GABRP: variants seen among roughly 807,000 people sequenced by gnomAD.
The protein encoded by GABRP is gamma-aminobutyric acid type A receptor subunit pi.
Under a neutral mutation model 47.8 loss-of-function variants are expected in GABRP, and 52 were observed. The observed-to-expected ratio is 1.09, with a 90% CI of 0.87 to 1.37. The LOEUF (loss-of-function observed/expected upper bound fraction) is 1.37. Among genes scored for constraint, GABRP ranks in the 40% most tolerant of loss-of-function variants. The probability of loss-of-function intolerance (pLI) is 0.00; values close to 1 mark genes in which losing one functional copy is unlikely to be tolerated. For missense variants in GABRP, 525 were observed against 542.8 expected, an observed-to-expected ratio of 0.97 and a Z score of 0.33; for synonymous variants, 221 against 205.8, an observed-to-expected ratio of 1.07 and a Z score of -0.63.
intron 1 of GABRP, among the ~76,000 whole-genome samples, chr5:170,784,216 C>T (rs1561804438): frequency 1.3e-5 from 2 of 152,180 alleles, no homozygotes; most frequent in African/African-American, 4.8e-5. Context: ...CTCCTGCTTT[C>T]CAACAAATGA....
At chr5:170,789,061 C>T in intron 2 of GABRP, 68 bp from the exon 3 acceptor site, 1 of 1,247,366 alleles carries the variant, frequency 8.0e-7, no homozygotes, top group Non-Finnish European at 1.2e-6. Context: ...AACACAAGCT[C>T]AAGGGTGTGT....
intron 6 of GABRP, among the ~76,000 whole-genome samples, chr5:170,798,790 T>G (rs1581598308): frequency 6.6e-6 from 1 of 152,216 alleles, no homozygotes; most frequent in East Asian, 1.9e-4. Flanking sequence ...TCATTTTTTT[T>G]GTTTTATATA....
At chr5:170,799,410 G>C (rs1765527878) in intron 6 of GABRP, among the ~76,000 whole-genome samples, 1 of 152,176 alleles carries the variant, frequency 6.6e-6, no homozygotes, top group Non-Finnish European at 1.5e-5. Flanking sequence ...GTGTAAAAGT[G>C]TTCCTATTTC....
chr5:170,811,807 A>G, intron 9 of GABRP, 149 bp from the exon 10 acceptor site: 7 of 691,272 alleles, frequency 1.0e-5, no homozygotes, highest in Non-Finnish European at 1.4e-5. Context: ...AGCCTGGCTT[A>G]TTGGCCAATT....
intron 1 of GABRP, among the ~76,000 whole-genome samples, chr5:170,787,154 CTT>C (rs908057554): frequency 8.5e-5 from 13 of 152,186 alleles, no homozygotes; most frequent in African/African-American, 3.1e-4. Flanking sequence ...GGGACTTATA[CTT>C]TTAACTTCTG....
intron 9 of GABRP, among the ~76,000 whole-genome samples, chr5:170,811,313 A>C (rs1472084618): frequency 1.3e-5 from 2 of 151,432 alleles, no homozygotes; most frequent in Admixed American, 6.6e-5. Flanking sequence ...ACTCTCTCTG[A>C]CTTCACTACA....
Position 170,813,831 on chromosome 5 carries a change from A to AT in GABRP, c.*1580dup, listed in dbSNP as rs991359176. On this transcript the variant is annotated 3_prime_UTR_variant, in exon 10 of 10. Transcript: ENST00000265294. Reference sequence around the variant, plus strand: ...CAGTTTCTATGAGTTTGATCACCTGATTTTTTTAACAAAATATTTCTAACG... The same window carrying AT: ...CAGTTTCTATGAGTTTGATCACCTGATTTTTTTTAACAAAATATTTCTAACG... The AT allele has an allele frequency of 2.0e-5, 3 of 152,110 alleles. No homozygotes were observed. Among genetic ancestry groups the AT allele is most frequent in the African/African-American group, 7.2e-5 (3 of 41,504 alleles). 9.4% of individuals were successfully genotyped at this position (152,110 alleles called of 1,614,324 possible).
intron 1 of GABRP, among the ~76,000 whole-genome samples, chr5:170,784,704 G>A (rs146580700): frequency 6.6e-6 from 1 of 152,328 alleles, no homozygotes; most frequent in African/African-American, 2.4e-5. Context: ...ACGGAAGGCA[G>A]AGGAGAATGA....
intron 9 of GABRP, among the ~76,000 whole-genome samples, chr5:170,810,583 T>G (rs1161775725): frequency 6.6e-6 from 1 of 152,180 alleles, no homozygotes; most frequent in African/African-American, 2.4e-5. Flanking sequence ...TACAGGTTCA[T>G]GGACCCCTAG....
At chr5:170,785,104 G>T (rs1765094308) in intron 1 of GABRP, among the ~76,000 whole-genome samples, 1 of 152,186 alleles carries the variant, frequency 6.6e-6, no homozygotes, top group African/African-American at 2.4e-5. Context: ...CACATAAATA[G>T]CCACTTAACG....
At chr5:170,787,700 C>T (rs1765162256) in intron 1 of GABRP, among the ~76,000 whole-genome samples, 1 of 152,106 alleles carries the variant, frequency 6.6e-6, no homozygotes, top group African/African-American at 2.4e-5. Flanking sequence ...GTTTCCTTGT[C>T]GTAATAATAT....
At chr5:170,794,063 C>G (rs2879354) in intron 3 of GABRP, among the ~76,000 whole-genome samples, 168 bp from the exon 4 acceptor site, 55,789 of 151,972 alleles carry the variant, frequency 0.37, 10,444 homozygotes, top group East Asian at 0.43. Context: ...AATGGTTACT[C>G]TTGAGAGGGG....
intron 3 of GABRP, 59 bp downstream of exon 3, chr5:170,789,306 C>A (rs374035124): frequency 9.0e-7 from 1 of 1,112,946 alleles, no homozygotes; most frequent in Non-Finnish European, 1.3e-6. Context: ...AGACAATAAG[C>A]AGTGGAGGGT....
chr5:170,802,295 A>C (rs942283516), intron 6 of GABRP, among the ~76,000 whole-genome samples: 7 of 152,198 alleles, frequency 4.6e-5, no homozygotes, highest in Non-Finnish European at 8.8e-5. Context: ...TGATTTATTA[A>C]GGCATCAAGG....
chr5:170,795,481 C>A, intron 5 of GABRP, 56 bp downstream of exon 5: 1 of 1,399,560 alleles, frequency 7.1e-7, no homozygotes, highest in Non-Finnish European at 1.0e-6. Flanking sequence ...AGAAAACATG[C>A]AGATGTGTCT....
intron 6 of GABRP, among the ~76,000 whole-genome samples, chr5:170,798,061 A>G (rs1765479969): frequency 6.6e-6 from 1 of 152,172 alleles, no homozygotes; most frequent in Admixed American, 6.5e-5. Context: ...TTCTGTTTTG[A>G]GACGGAGTCT....
At chr5:170,787,750 T>C (rs1383821393) in intron 1 of GABRP, among the ~76,000 whole-genome samples, 1 of 152,186 alleles carries the variant, frequency 6.6e-6, no homozygotes, top group African/African-American at 2.4e-5. Context: ...ACTGTGAGGA[T>C]GGAGTGAGCT....
Position 170,809,760 on chromosome 5 carries a change from G to C in GABRP, c.1020+5G>C, listed in dbSNP as rs1010933469. On this transcript the variant is annotated splice_donor_5th_base_variant and intron_variant, in intron 9 of 9. Coordinates refer to ENST00000265294, the MANE Select transcript of GABRP (RefSeq NM_014211.3). ...CAGATGGCAGCCAAAGATAGGGTAAGAGTCTTGAGGGCCCTGTGTATGATC... is the reference window on the plus strand; with the variant it reads ...CAGATGGCAGCCAAAGATAGGGTAACAGTCTTGAGGGCCCTGTGTATGATC... The C allele has an allele frequency of 3.2e-6, 5 of 1,581,144 alleles. No homozygotes were observed. In the African/African-American group the frequency reaches 6.7e-5, roughly 21 times the overall value.
At chr5:170,810,622 A>G (rs1329988084) in intron 9 of GABRP, among the ~76,000 whole-genome samples, 1 of 152,192 alleles carries the variant, frequency 6.6e-6, no homozygotes, top group Non-Finnish European at 1.5e-5. Context: ...TTTGATAGAT[A>G]ATGGCATTCT....
Sources: gnomAD v4.1 joint callset for allele counts (sites outside exome capture counted in the v4.1 genomes callset) on GRCh38, gnomAD v4.1.1 for gene constraint, MANE v1.5 for transcripts, NCBI Gene and HGNC (gene_info 2026-07-23, HGNC 2026-07-21) for gene names.